Variants in USP13 observed in about 807,000 individuals in gnomAD.
USP13 encodes ubiquitin carboxyl-terminal hydrolase 13.
In USP13, 68 loss-of-function variants were observed where a neutral mutation model predicts 107.8. The ratio of observed to expected loss-of-function variants is 0.63; its 90% CI spans 0.52 to 0.77. The LOEUF is 0.77. Among genes scored for constraint, USP13 ranks in the 30% least tolerant of loss-of-function variants. The pLI is 0.00. For synonymous variants in USP13, 377 were observed against 389.5 expected, an observed-to-expected ratio of 0.97 and a Z score of 0.38; for missense variants, 945 against 1,093.3, an observed-to-expected ratio of 0.86 and a Z score of 1.91.
rs1021786995 is a variant in USP13, at chr3:179,740,182, C to T, written c.1255-65C>T. 3 of 1,597,204 alleles carry T rather than the reference C, an allele frequency of 1.9e-6. No individual in the cohort carries two copies. In the African/African-American group the frequency reaches 4.0e-5, roughly 21 times the overall value. On this transcript the variant is annotated intron_variant, in intron 10 of 20. Transcript: ENST00000263966. ...GGAGTTTATGGTGGGTTCTGCTCTG[C>T]TTGCCGCTTAGGGCTGTTAATTTGC...
At chr3:179,656,482 C>A (rs1720264864) in intron 1 of USP13, among the ~76,000 whole-genome samples, 1 of 152,240 alleles carries the variant, frequency 6.6e-6, no homozygotes, top group Non-Finnish European at 1.5e-5. Flanking sequence ...TCTCTCTTCC[C>A]TTCTTCCCAC....
At position 179,788,437 on chromosome 3, in the gene USP13, A is replaced by G. The variant is rs1715971737; in HGVS notation, c.*4296A>G. On this transcript the variant is annotated 3_prime_UTR_variant, in exon 21 of 21. Transcript: ENST00000263966. ...CTATTCAATGTGGCAGTCAACAGCC[A>G]TATGTGGCGATGACTACTCAAAGTT... The G allele has an allele frequency of 1.3e-5, 2 of 152,216 alleles. No individual in the cohort carries two copies. The highest frequency in any genetic ancestry group is 2.9e-5 in the Non-Finnish European group (2 of 68,048). The allele number at this position is 152,216 out of a possible 1,614,324, so 9.4% of individuals were successfully genotyped here. A position where few individuals can be genotyped will look rare whatever the true frequency, so the allele number is the denominator to read the frequency against.
At chr3:179,682,955 T>TCC (rs1711722713) in intron 2 of USP13, among the ~76,000 whole-genome samples, 1 of 152,138 alleles carries the variant, frequency 6.6e-6, no homozygotes, top group Non-Finnish European at 1.5e-5. Context: ...TTTCTTGCTT[T>TCC]CCCACACCCT....
At chr3:179,743,860 C>A (rs1002316944) in intron 12 of USP13, among the ~76,000 whole-genome samples, 23 of 151,088 alleles carry the variant, frequency 1.5e-4, no homozygotes, top group Admixed American at 1.5e-3. Flanking sequence ...GAATTTTAAA[C>A]CATCTAAGAT....
intron 1 of USP13, among the ~76,000 whole-genome samples, chr3:179,676,834 C>G (rs1265925583): frequency 6.6e-6 from 1 of 152,186 alleles, no homozygotes; most frequent in East Asian, 1.9e-4. Context: ...CACACACTAC[C>G]TCTGTGGCCA....
intron 10 of USP13, among the ~76,000 whole-genome samples, chr3:179,738,141 C>T (rs79538710): frequency 0.015 from 2,347 of 152,218 alleles, 22 homozygotes; most frequent in Non-Finnish European, 0.023. Context: ...TGGCCTCCAC[C>T]GCAAAGGCTG....
rs866072380 is a variant in USP13 at position 179,679,360 on chromosome 3, T to G, written c.169-2518T>G. Among the ~76,000 whole-genome samples the G allele has an allele frequency of 2.0e-5, 3 of 152,328 alleles. No individual in the cohort carries two copies. In the Middle Eastern group the frequency reaches 0.01, roughly 518 times the overall value. The stretch of plus-strand genomic sequence containing the variant: ...ATATATTTGTAATAAACATCAATGT[T>G]TGTTTTGATATTGTACTTTGTGCTC... On this transcript the variant is annotated intron_variant, in intron 1 of 20. Transcript: ENST00000263966.
At chr3:179,667,531 T>C (rs1249690312) in intron 1 of USP13, among the ~76,000 whole-genome samples, 1 of 152,186 alleles carries the variant, frequency 6.6e-6, no homozygotes. Flanking sequence ...ATGCCGATGG[T>C]TTCCATGTTC....
intron 19 of USP13, 76 bp downstream of exon 19, chr3:179,765,924 C>T (rs994138218): frequency 6.8e-7 from 1 of 1,474,036 alleles, no homozygotes; most frequent in Non-Finnish European, 9.2e-7. Flanking sequence ...CCCACCACAA[C>T]ATAGTCAAGC....
intron 20 of USP13, 65 bp from the exon 21 acceptor site, chr3:179,783,983 A>T: frequency 7.6e-7 from 1 of 1,315,984 alleles, no homozygotes; most frequent in Non-Finnish European, 1.1e-6. Context: ...TGATTTAGTG[A>T]CTTCTTTGTG....
chr3:179,734,629 A>C (rs1713922095), intron 10 of USP13, among the ~76,000 whole-genome samples: 1 of 152,226 alleles, frequency 6.6e-6, no homozygotes, highest in South Asian at 2.1e-4. Context: ...GGTTAGACAC[A>C]TGTAACCTTT....
At chr3:179,782,209 A>G (rs779872013) in intron 20 of USP13, among the ~76,000 whole-genome samples, 1 of 152,256 alleles carries the variant, frequency 6.6e-6, no homozygotes, top group South Asian at 2.1e-4. Context: ...TGAATTTCAG[A>G]TAAATAATGA....
chr3:179,656,144 A>G (rs1040636403), intron 1 of USP13, among the ~76,000 whole-genome samples: 1 of 152,274 alleles, frequency 6.6e-6, no homozygotes, highest in Non-Finnish European at 1.5e-5. Flanking sequence ...GGCCAGGGAA[A>G]TTATATGTGC....
At position 179,653,154 on chromosome 3, in the gene USP13, C is replaced by A. The variant is rs1720133615; in HGVS notation, c.-72C>A. On this transcript the variant is annotated 5_prime_UTR_variant, in exon 1 of 21. Transcript: ENST00000263966. The surrounding 1 kb of genome is among the most constrained non-coding windows in gnomAD (Gnocchi z 4.0). ...GCCCGCCCGTCAGCCCGCTCGCTGG[C>A]GCCGCCGCCGCCGGCAGACCCCGCG... The A allele has an allele frequency of 1.9e-6, 2 of 1,055,922 alleles. No individual in the cohort carries two copies. The highest frequency in any genetic ancestry group is 8.8e-5 in the South Asian group (2 of 22,742). The allele number at this position is 1,055,922 out of a possible 1,614,324, so 65.4% of individuals were successfully genotyped here.
chr3:179,702,180 T>C (rs1463808737), intron 4 of USP13, among the ~76,000 whole-genome samples: 1 of 152,086 alleles, frequency 6.6e-6, no homozygotes. Flanking sequence ...CCATCACGCC[T>C]AGAGATTTTT....
rs1158783963 is a variant in USP13 at position 179,678,454 on chromosome 3, T to TA, written c.169-3422dup. Among the ~76,000 whole-genome samples, 1 of 151,162 alleles carries TA rather than the reference T, an allele frequency of 6.6e-6. No individual in the cohort carries two copies. The highest frequency in any genetic ancestry group is 1.5e-5 in the Non-Finnish European group (1 of 67,912). On this transcript the variant is annotated intron_variant, in intron 1 of 20. Transcript: ENST00000263966. This position sits in a 1 kb window ranked among gnomAD's most constrained non-coding sequence, Gnocchi z 4.2. Reference sequence around the variant, plus strand: ...TTATCCACAAGCACAAGCTATATTATAATTATAAGCTTTTTTGGATGCTAT... The same window carrying TA: ...TTATCCACAAGCACAAGCTATATTATAAATTATAAGCTTTTTTGGATGCTAT...
Position 179,782,161 on chromosome 3 carries a change from GAA to G in USP13, c.2498+340_2498+341del, listed in dbSNP as rs143725604. 4.6e-3 allele frequency among the ~76,000 whole-genome samples: 702 copies of G among 152,238 alleles called. 7 individuals are homozygous for G. Among genetic ancestry groups the G allele is most frequent in the African/African-American group, 0.016 (645 of 41,534 alleles). On this transcript the variant is annotated intron_variant, in intron 20 of 20. Coordinates refer to ENST00000263966, the MANE Select transcript of USP13 (RefSeq NM_003940.3). ...GATTGCCATATTTAGCCAACAAAAG[GAA>G]ACAAGACAGGAAAAACCAGGATGCC... is the stretch of plus-strand genomic sequence containing the variant.
At chr3:179,717,844 T>C (rs1713160252) in intron 6 of USP13, among the ~76,000 whole-genome samples, 1 of 152,204 alleles carries the variant, frequency 6.6e-6, no homozygotes, top group Non-Finnish European at 1.5e-5. Flanking sequence ...CTTTTGAGAA[T>C]GCTGAATTAT....
chr3:179,712,192 G>A (rs376921136), intron 6 of USP13, among the ~76,000 whole-genome samples: 6 of 152,096 alleles, frequency 3.9e-5, no homozygotes, highest in Non-Finnish European at 7.4e-5. Flanking sequence ...TGTATCTTTC[G>A]TTTTCTAGAA....
Sources: allele counts gnomAD v4.1 joint callset (sites outside exome capture counted in the v4.1 genomes callset), GRCh38; gene constraint gnomAD v4.1.1; non-coding constraint Gnocchi (gnomAD v3.1); transcripts MANE v1.5; gene names NCBI Gene and HGNC (gene_info 2026-07-23, HGNC 2026-07-21).